The following RUFY3 variants were observed in gnomAD, a reference collection of about 807,000 sequenced individuals.
RUFY3 encodes RUN and FYVE domain containing 3.
A neutral mutation model predicts 84.0 loss-of-function variants in RUFY3; 34 were observed. That is an observed-to-expected ratio of 0.40 (90% CI 0.31 to 0.54). The LOEUF is 0.54. Among genes scored for constraint, RUFY3 ranks in the 20% least tolerant of loss-of-function variants. The pLI, the probability that RUFY3 is intolerant of heterozygous loss-of-function variation, is 0.39. For missense variants in RUFY3, 507 were observed against 736.8 expected (o/e 0.69, Z 3.61); for synonymous variants, 242 against 252.9 (o/e 0.96, Z 0.41).
At chr4:70,707,646 G>T (rs1392189578) in intron 1 of RUFY3, among the ~76,000 whole-genome samples, 1 of 151,164 alleles carries the variant, frequency 6.6e-6, no homozygotes, top group Non-Finnish European at 1.5e-5. Context: ...AAGTTACTGG[G>T]AATATATACG....
intron 1 of RUFY3, among the ~76,000 whole-genome samples, chr4:70,727,039 CTTTTTTT>C (rs1242842461): frequency 2.6e-5 from 3 of 113,278 alleles, no homozygotes; most frequent in Non-Finnish European, 3.9e-5. Flanking sequence ...GATTTCTTTC[CTTTTTTT>C]TTTTTTTTTT....
intron 12 of RUFY3, chr4:70,791,514 C>T: frequency 7.4e-7 from 1 of 1,356,872 alleles, no homozygotes; most frequent in East Asian, 2.9e-5. Flanking sequence ...GGTATAAGTT[C>T]CTAATTAAAA....
At chr4:70,720,725 T>C (rs1193921941), upstream of RUFY3, among the ~76,000 whole-genome samples, 1 of 152,188 alleles carries the variant, frequency 6.6e-6, no homozygotes, top group Non-Finnish European at 1.5e-5. Context: ...CTCCTTAAAA[T>C]TGGAACCCTT....
chr4:70,764,490 A>G lies in RUFY3; in HGVS notation c.486A>G (p.Arg162=). ...GTTTTTGTAGGACACCAGTAGGTAGAGGAAGAGCCTGGCTTCGTTTGGCAT... is the reference window on the plus strand; with the variant it reads ...GTTTTTGTAGGACACCAGTAGGTAGGGGAAGAGCCTGGCTTCGTTTGGCAT... ...DLPGLKTPVG[R]GRAWLRLALM... Residue 162 remains arginine, a synonymous_variant, in exon 4 of 18, where the codon AGA becomes AGG. Coordinates refer to ENST00000381006, the MANE Select transcript of RUFY3 (RefSeq NM_001037442.4). 6.2e-7 allele frequency: 1 copy of G among 1,612,714 alleles called. No homozygotes were observed. Among genetic ancestry groups the G allele is most frequent in the Non-Finnish European group, 8.5e-7 (1 of 1,178,952 alleles).
intron 6 of RUFY3, among the ~76,000 whole-genome samples, chr4:70,774,345 A>G (rs1042081865): frequency 2.0e-5 from 3 of 151,630 alleles, no homozygotes; most frequent in African/African-American, 4.8e-5. Context: ...ATGGTGGCTC[A>G]TGCTTGTAAT....
In RUFY3 at chr4:70,794,911, C is replaced by G; in HGVS notation, c.1557+17C>G. ...TCCAAGATGGTAATATTTGCTATTC[C>G]CTTGTTCTTTTACTTAATTTCAGTT... On this transcript the variant is annotated intron_variant, in intron 14 of 17. Transcript: ENST00000381006. The G allele has an allele frequency of 6.7e-7, 1 of 1,494,914 alleles. No homozygotes were observed. The highest frequency in any genetic ancestry group is 9.3e-7 in the Non-Finnish European group (1 of 1,078,726). 92.6% of individuals were successfully genotyped at this position (1,494,914 alleles called of 1,614,324 possible).
At chr4:70,727,037 T>C (rs1718372156) in intron 1 of RUFY3, among the ~76,000 whole-genome samples, 1 of 149,518 alleles carries the variant, frequency 6.7e-6, no homozygotes, top group Admixed American at 6.7e-5. Context: ...GGGATTTCTT[T>C]CCTTTTTTTT....
intron 7 of RUFY3, among the ~76,000 whole-genome samples, chr4:70,775,910 C>T (rs1018471350): frequency 2.1e-5 from 3 of 141,658 alleles, no homozygotes; most frequent in Admixed American, 1.5e-4. Flanking sequence ...CATTACACCC[C>T]ACCCTGGGTT....
chr4:70,724,131 TTTA>T (rs1224183408), intron 1 of RUFY3, among the ~76,000 whole-genome samples: 1 of 152,176 alleles, frequency 6.6e-6, no homozygotes, highest in South Asian at 2.1e-4. Flanking sequence ...CTATTTATTT[TTTA>T]TTATTATTTT....
intron 14 of RUFY3, among the ~76,000 whole-genome samples, chr4:70,797,998 A>G (rs1388055832): frequency 6.6e-6 from 1 of 152,208 alleles, no homozygotes; most frequent in Non-Finnish European, 1.5e-5. Context: ...TAAGTTTTTC[A>G]GTCTTCAGTT....
chr4:70,706,174 A>G (rs1435453637), intron 1 of RUFY3, among the ~76,000 whole-genome samples: 1 of 152,220 alleles, frequency 6.6e-6, no homozygotes, highest in Non-Finnish European at 1.5e-5. Context: ...CTCTTACAGT[A>G]TGAAAATGTG....
chr4:70,790,005 A>G (rs1330878792), intron 12 of RUFY3: 2 of 483,814 alleles, frequency 4.1e-6, no homozygotes, highest in African/African-American at 4.2e-5. Flanking sequence ...GCACTGAGAG[A>G]TAGGTGTCCT....
intron 1 of RUFY3, among the ~76,000 whole-genome samples, chr4:70,716,845 CA>C (rs531822773): frequency 0.26 from 19,064 of 72,358 alleles, 2,889 homozygotes; most frequent in African/African-American, 0.52. Flanking sequence ...AACTCTGTCT[CA>C]AAAAAAAAAA....
intron 4 of RUFY3, among the ~76,000 whole-genome samples, chr4:70,767,787 T>G (rs1393377206): frequency 6.6e-6 from 1 of 152,056 alleles, no homozygotes; most frequent in Non-Finnish European, 1.5e-5. Context: ...CAAGCGATTC[T>G]CCTGCCTCAG....
rs1449895252 is a variant in RUFY3, at chr4:70,704,950, CG to C, written c.15del (p.Pro6ArgfsTer99). On this transcript the variant is annotated frameshift_variant, in exon 1 of 12. Coordinates refer to the RUFY3 transcript ENST00000417478. LOFTEE classifies it high-confidence loss of function. ...GAAGGAGTGAGCATGGCTGAGACCC[CG>C]CCGCCGCCCACCGCTGGTGCCGAAA... is the stretch of plus-strand genomic sequence containing the variant. 8.2e-6 allele frequency: 10 copies of C among 1,225,912 alleles called. No homozygotes were observed. The highest frequency in any genetic ancestry group is 9.1e-6 in the Non-Finnish European group (9 of 985,548). 75.9% of individuals were successfully genotyped at this position (1,225,912 alleles called of 1,614,324 possible).
rs1394052091 is a variant in RUFY3 at position 70,738,216 on chromosome 4, T to A, written c.178+15465T>A. 3.3e-5 allele frequency among the ~76,000 whole-genome samples: 5 copies of A among 151,880 alleles called. No individual in the cohort carries two copies. The East Asian group carries it at 9.7e-4, about 29-fold the overall frequency. On this transcript the variant is annotated intron_variant, in intron 1 of 17. Coordinates refer to ENST00000381006, the MANE Select transcript of RUFY3 (RefSeq NM_001037442.4). ...GTTGTCTAGGCTGGTCGCCGCCTCC[T>A]GGACTCAAGCGATCTGCCTGCCTTG...
chr4:70,806,444 G>A, intron 17 of RUFY3, 72 bp from the exon 18 acceptor site: 2 of 1,545,258 alleles, frequency 1.3e-6, no homozygotes, highest in South Asian at 2.3e-5. Context: ...TGCCATATTT[G>A]GCTTTTTATA....
intron 5 of RUFY3, among the ~76,000 whole-genome samples, chr4:70,772,934 T>C (rs113858931): frequency 0.021 from 3,148 of 152,280 alleles, 119 homozygotes; most frequent in East Asian, 0.16. Flanking sequence ...GTGCTGGGAT[T>C]ATAGGCAAGA....
At chr4:70,770,580 T>C (rs887390410) in intron 5 of RUFY3, among the ~76,000 whole-genome samples, 2 of 152,214 alleles carry the variant, frequency 1.3e-5, no homozygotes, top group African/African-American at 4.8e-5. Context: ...TCAAGAGCAT[T>C]AGGGCCTTGC....
Sources: allele counts gnomAD v4.1 joint callset (sites outside exome capture counted in the v4.1 genomes callset), GRCh38; gene constraint gnomAD v4.1.1; transcripts MANE v1.5; gene names NCBI Gene and HGNC (gene_info 2026-07-23, HGNC 2026-07-21).